The following PRKAR1B variants were observed in gnomAD, a reference collection of about 807,000 sequenced individuals.
The protein encoded by PRKAR1B is protein kinase cAMP-dependent type I regulatory subunit beta.
In PRKAR1B, 22 loss-of-function variants were observed where a neutral mutation model predicts 46.5. The ratio of observed to expected loss-of-function variants is 0.47; its 90% CI spans 0.34 to 0.68. The LOEUF is 0.68. Ranked by LOEUF, PRKAR1B falls within the 30% of genes least tolerant of loss-of-function variation. The pLI is 0.01. For missense variants in PRKAR1B, 445 were observed against 535.6 expected, an observed-to-expected ratio of 0.83 and a Z score of 1.67; for synonymous variants, 259 against 217.7, an observed-to-expected ratio of 1.19 and a Z score of -1.67.
chr7:565,410 C>A (rs1161060521), intron 9 of PRKAR1B: 1 of 152,254 alleles, frequency 6.6e-6, no homozygotes, highest in Non-Finnish European at 1.5e-5. Flanking sequence ...CCTCATGAAG[C>A]AATGCATTCA....
intron 9 of PRKAR1B, among the ~76,000 whole-genome samples, chr7:561,058 G>T (rs934558275): frequency 6.6e-6 from 1 of 151,796 alleles, no homozygotes. Context: ...ATGCATATTT[G>T]TGCACGCAAA....
At chr7:713,791 ACATTG>A (rs1258286725) in intron 1 of PRKAR1B, among the ~76,000 whole-genome samples, 6 of 152,214 alleles carry the variant, frequency 3.9e-5, no homozygotes, top group African/African-American at 1.4e-4. Flanking sequence ...AGCAGGGCTG[ACATTG>A]CCTCAGCCTC....
At chr7:677,114 C>T in intron 4 of PRKAR1B, 115 bp downstream of exon 4, 3 of 1,020,754 alleles carry the variant, frequency 2.9e-6, no homozygotes, top group Non-Finnish European at 4.5e-6. Context: ...GGCTGCCCAC[C>T]TCCTGGAGGC....
intron 8 of PRKAR1B, among the ~76,000 whole-genome samples, chr7:579,607 T>C (rs1396045211): frequency 1.3e-5 from 2 of 152,384 alleles, no homozygotes; most frequent in East Asian, 1.9e-4. Context: ...ATGCAGCTCA[T>C]GTGCCCTCTT....
At chr7:569,908 C>T (rs1006895884) in intron 9 of PRKAR1B, among the ~76,000 whole-genome samples, 4 of 152,210 alleles carry the variant, frequency 2.6e-5, no homozygotes, top group East Asian at 1.9e-4. Context: ...CGCAGATGTC[C>T]GCATGCACAA....
At chr7:660,761 C>CTT (rs1206925437) in intron 4 of PRKAR1B, among the ~76,000 whole-genome samples, 1 of 122,450 alleles carries the variant, frequency 8.2e-6, no homozygotes, top group Non-Finnish European at 1.7e-5. Flanking sequence ...AATACCTACT[C>CTT]TCCCCTCCAT....
In PRKAR1B at chr7:666,752, C is replaced by T. The variant is rs998546360; in HGVS notation, c.440+10477G>A. Among the ~76,000 whole-genome samples, 2 of 152,242 alleles carry T rather than the reference C, an allele frequency of 1.3e-5. No individual in the cohort carries two copies. Among genetic ancestry groups the T allele is most frequent in the African/African-American group, 4.8e-5 (2 of 41,464 alleles). On this transcript the variant is annotated intron_variant, in intron 4 of 10. Transcript: ENST00000537384. The surrounding 1 kb of genome is among the most constrained non-coding windows in gnomAD (Gnocchi z 4.9). ...TCACCAACTCAGGCCCAGGGTGGAG[C>T]AGAGAATGACTCAAGGCTACCCCAG... is the stretch of plus-strand genomic sequence containing the variant.
intron 7 of PRKAR1B, among the ~76,000 whole-genome samples, chr7:587,215 G>C (rs1219661367): frequency 2.6e-5 from 4 of 152,180 alleles, no homozygotes; most frequent in African/African-American, 9.7e-5. Context: ...ATGCCTGTCA[G>C]TCTCCCCAAA....
chr7:654,294 TCAC>T (rs748995473), intron 4 of PRKAR1B, among the ~76,000 whole-genome samples: 2 of 149,526 alleles, frequency 1.3e-5, no homozygotes, highest in Non-Finnish European at 3.0e-5. Context: ...ATCACCATCA[TCAC>T]CATCTTTATC....
intron 4 of PRKAR1B, among the ~76,000 whole-genome samples, chr7:664,655 T>A (rs1354689208): frequency 6.6e-6 from 1 of 151,686 alleles, no homozygotes; most frequent in Non-Finnish European, 1.5e-5. Context: ...ATGCCTGCAA[T>A]CCCAACACTA....
chr7:711,538 AAC>A lies in PRKAR1B; in HGVS notation c.-22-13_-22-12del. On this transcript the variant is annotated splice_polypyrimidine_tract_variant and intron_variant, in intron 1 of 10. Transcript: ENST00000537384. ...GTGGCTGCTTCCTTCCTGTCCAGAAAACACACAGATCCCCAGGCCTGAGAGCT... is the reference window on the plus strand; with the variant it reads ...GTGGCTGCTTCCTTCCTGTCCAGAAAACACAGATCCCCAGGCCTGAGAGCT... The A allele has an allele frequency of 6.2e-7, 1 of 1,607,628 alleles. No individual in the cohort carries two copies. The highest frequency in any genetic ancestry group is 8.5e-7 in the Non-Finnish European group (1 of 1,176,330).
intron 8 of PRKAR1B, 107 bp from the exon 9 acceptor site, chr7:579,484 A>T: frequency 7.1e-7 from 1 of 1,399,584 alleles, no homozygotes; most frequent in Non-Finnish European, 9.7e-7. Context: ...AGAAGCAATC[A>T]CAACACCAGC....
At chr7:703,000 A>G (rs1583441739) in intron 2 of PRKAR1B, among the ~76,000 whole-genome samples, 1 of 152,238 alleles carries the variant, frequency 6.6e-6, no homozygotes, top group East Asian at 1.9e-4. Context: ...ATCATATAAA[A>G]AAAGAAAACC....
chr7:726,798 GCTGAGCCGCGCC>G, intron 1 of PRKAR1B: 1 of 1,302,032 alleles, frequency 7.7e-7, no homozygotes, highest in Non-Finnish European at 9.7e-7. Context: ...AGGCGGTGGA[GCTGAGCCGCGCC>G]CTGAGCCGCC....
chr7:649,477 A>G (rs933413113), intron 4 of PRKAR1B, among the ~76,000 whole-genome samples: 2 of 152,230 alleles, frequency 1.3e-5, no homozygotes, highest in Non-Finnish European at 2.9e-5. Flanking sequence ...TTTGGTAAGT[A>G]ATTATTCAAT....
At chr7:719,155 T>C (rs1780987303) in intron 1 of PRKAR1B, among the ~76,000 whole-genome samples, 1 of 152,178 alleles carries the variant, frequency 6.6e-6, no homozygotes. Context: ...TTCTCCTGTC[T>C]CAGCCTCCCG....
chr7:619,488 G>C (rs1390568811), intron 4 of PRKAR1B, among the ~76,000 whole-genome samples: 4 of 152,254 alleles, frequency 2.6e-5, no homozygotes, highest in Non-Finnish European at 5.9e-5. Context: ...CAGAAGCACA[G>C]AGAGGTTAAG....
chr7:723,413 T>A (rs1781141139), intron 1 of PRKAR1B, among the ~76,000 whole-genome samples: 1 of 152,102 alleles, frequency 6.6e-6, no homozygotes, highest in African/African-American at 2.4e-5. Flanking sequence ...CAGGAACACA[T>A]GAGAGAAAAA....
chr7:604,038 A>C (rs1246119011), intron 6 of PRKAR1B, among the ~76,000 whole-genome samples: 2 of 152,178 alleles, frequency 1.3e-5, no homozygotes, highest in Non-Finnish European at 2.9e-5. Flanking sequence ...ACTGCTGACC[A>C]CTGGGCAGGC....
Sources: gnomAD v4.1 joint callset for allele counts (sites outside exome capture counted in the v4.1 genomes callset) on GRCh38, gnomAD v4.1.1 for gene constraint, Gnocchi (gnomAD v3.1) non-coding constraint, MANE v1.5 for transcripts, NCBI Gene and HGNC (gene_info 2026-07-23, HGNC 2026-07-21) for gene names.